Variants in ZNF407 observed in about 807,000 individuals in gnomAD.
ZNF407 encodes zinc finger protein 407.
ZNF407 carries 17 observed loss-of-function variants against 131.2 expected under a neutral mutation model. That is an observed-to-expected ratio of 0.13 (90% CI 0.09 to 0.19). The LOEUF (loss-of-function observed/expected upper bound fraction) is 0.19, where lower values mean the gene tolerates loss of function less well. Ranked by LOEUF, ZNF407 falls within the 10% of genes least tolerant of loss-of-function variation. ZNF407 has a pLI of 1.00. For missense variants in ZNF407, 2,681 were observed against 2,830.6 expected (o/e 0.95, Z 1.20); for synonymous variants, 1,156 against 1,062.0 (o/e 1.09, Z -1.72).
intron 4 of ZNF407, among the ~76,000 whole-genome samples, chr18:74,857,726 A>T (rs1330346734): frequency 5.9e-5 from 9 of 152,132 alleles, no homozygotes; most frequent in East Asian, 1.9e-4. Flanking sequence ...GCTTTTTTTT[A>T]AATTAATGAA....
At chr18:74,720,395 G>T (rs1271197381) in intron 3 of ZNF407, among the ~76,000 whole-genome samples, 4 of 151,302 alleles carry the variant, frequency 2.6e-5, no homozygotes, top group Non-Finnish European at 5.9e-5. Flanking sequence ...TCTATAAGTG[G>T]TGATTAATCC....
intron 3 of ZNF407, among the ~76,000 whole-genome samples, chr18:74,712,934 T>C (rs1261607862): frequency 6.6e-6 from 1 of 152,138 alleles, no homozygotes; most frequent in Non-Finnish European, 1.5e-5. Context: ...AAAATAGCAA[T>C]GCATGGGACT....
intron 3 of ZNF407, among the ~76,000 whole-genome samples, chr18:74,659,017 A>G (rs891948233): frequency 1.6e-4 from 25 of 152,134 alleles, no homozygotes; most frequent in African/African-American, 5.3e-4. Context: ...ATCTAGGGAC[A>G]TGTGAGTGGA....
intron 8 of ZNF407, among the ~76,000 whole-genome samples, chr18:75,047,039 A>G (rs1396588926): frequency 6.6e-6 from 1 of 152,234 alleles, no homozygotes; most frequent in Non-Finnish European, 1.5e-5. Context: ...CTATTAGAAT[A>G]TTTGGGATTC....
chr18:74,692,811 C>A (rs1303498321), intron 3 of ZNF407, among the ~76,000 whole-genome samples: 2 of 152,096 alleles, frequency 1.3e-5, no homozygotes, highest in Non-Finnish European at 2.9e-5. Flanking sequence ...GGAGTGGCCT[C>A]CACCCCTCCC....
chr18:74,758,644 G>A (rs1478484768), intron 3 of ZNF407, among the ~76,000 whole-genome samples: 3 of 152,188 alleles, frequency 2.0e-5, no homozygotes, highest in Non-Finnish European at 4.4e-5. Context: ...AGGCTGGAGT[G>A]CAGTGGCATG....
chr18:74,618,861 A>C (rs1983415491), intron 1 of ZNF407, among the ~76,000 whole-genome samples: 1 of 152,198 alleles, frequency 6.6e-6, no homozygotes, highest in African/African-American at 2.4e-5. Flanking sequence ...TATACTTAAA[A>C]CTCAGATCCT....
chr18:75,044,074 T>A (rs1044405108), intron 8 of ZNF407, among the ~76,000 whole-genome samples: 1 of 152,168 alleles, frequency 6.6e-6, no homozygotes, highest in South Asian at 2.1e-4. Flanking sequence ...TTTTAAACCC[T>A]GGGGCCACGA....
intron 8 of ZNF407, among the ~76,000 whole-genome samples, chr18:74,991,978 A>G (rs1195870267): frequency 6.6e-6 from 1 of 152,240 alleles, no homozygotes; most frequent in African/African-American, 2.4e-5. Flanking sequence ...CCAGCTTCGC[A>G]TGGCACCAGG....
intron 4 of ZNF407, among the ~76,000 whole-genome samples, chr18:74,795,394 G>A (rs180964803): frequency 4.6e-5 from 7 of 152,176 alleles, no homozygotes; most frequent in Admixed American, 3.9e-4. Context: ...TACTACATAT[G>A]AATCAATATA....
chr18:74,637,784 C>T (rs1374886601), intron 2 of ZNF407, among the ~76,000 whole-genome samples: 1 of 152,120 alleles, frequency 6.6e-6, no homozygotes, highest in East Asian at 1.9e-4. Context: ...CTTCCAATCC[C>T]TGTTTTCATA....
At position 74,634,105 on chromosome 18, in the gene ZNF407, C is replaced by T; in HGVS notation, c.3086C>T (p.Ser1029Phe). Reference protein sequence around the residue: ...CLHCEFSAHSSASLELHVKRK... With the variant: ...CLHCEFSAHSFASLELHVKRK... ...CACTGTGAGTTTAGTGCTCACTCCTCTGCTTCTCTAGAGCTGCATGTAAAA... is the reference window on the plus strand; with the variant it reads ...CACTGTGAGTTTAGTGCTCACTCCTTTGCTTCTCTAGAGCTGCATGTAAAA... The change falls in exon 2 of 9, where the codon TCT becomes TTT. Residue 1029 changes from serine to phenylalanine, a missense_variant. Physicochemically the swap from Ser to Phe is radical, Grantham distance 155 (BLOSUM62 -2). Transcript: ENST00000299687. The T allele has an allele frequency of 1.2e-6, 2 of 1,614,046 alleles. No homozygotes were observed. The highest frequency in any genetic ancestry group is 1.7e-6 in the Non-Finnish European group (2 of 1,179,900).
At chr18:74,959,615 A>G (rs1192857467) in intron 8 of ZNF407, among the ~76,000 whole-genome samples, 1 of 152,190 alleles carries the variant, frequency 6.6e-6, no homozygotes, top group Non-Finnish European at 1.5e-5. Flanking sequence ...CTCTAAACGG[A>G]ATACACTTGG....
At chr18:74,644,021 G>T (rs754234601) in intron 3 of ZNF407, among the ~76,000 whole-genome samples, 1 of 152,064 alleles carries the variant, frequency 6.6e-6, no homozygotes, top group Non-Finnish European at 1.5e-5. Flanking sequence ...TTAGGATTAA[G>T]AGTTCAGAAT....
intron 4 of ZNF407, among the ~76,000 whole-genome samples, chr18:74,875,652 C>T (rs1016818433): frequency 2.6e-5 from 4 of 151,978 alleles, no homozygotes; most frequent in African/African-American, 7.2e-5. Context: ...GATATACGGA[C>T]GTGATTTTTT....
intron 8 of ZNF407, among the ~76,000 whole-genome samples, chr18:74,979,203 A>C (rs75924699): frequency 6.6e-6 from 1 of 152,256 alleles, no homozygotes; most frequent in Admixed American, 6.5e-5. Flanking sequence ...TTGGTGCAAT[A>C]GCTTCGTGGC....
chr18:74,989,893 A>G (rs1295265684), intron 8 of ZNF407, among the ~76,000 whole-genome samples: 1 of 152,030 alleles, frequency 6.6e-6, no homozygotes, highest in African/African-American at 2.4e-5. Flanking sequence ...TGAAATTTTG[A>G]TGCTTTTCTG....
At chr18:74,801,608 A>G (rs886414099) in intron 4 of ZNF407, among the ~76,000 whole-genome samples, 1 of 152,346 alleles carries the variant, frequency 6.6e-6, no homozygotes, top group South Asian at 2.1e-4. Flanking sequence ...CCTGTAGTTC[A>G]AATGCAGTTT....
chr18:75,015,690 C>T lies in ZNF407; in HGVS notation c.5429-47460C>T, dbSNP rs539229409. ...AACAGGTAATGGAAAGGCTTTTTAC[C>T]GTGATATAACGGCACAGAATATTTC... On this transcript the variant is annotated intron_variant, in intron 8 of 8. Transcript: ENST00000299687. 6.7e-4 allele frequency among the ~76,000 whole-genome samples: 102 copies of T among 151,270 alleles called. 1 individual carries two copies. The highest frequency in any genetic ancestry group is 2.8e-3 in the Admixed American group (43 of 15,144).
Sources: gnomAD v4.1 joint callset for allele counts (sites outside exome capture counted in the v4.1 genomes callset) on GRCh38, gnomAD v4.1.1 for gene constraint, MANE v1.5 for transcripts, NCBI Gene and HGNC (gene_info 2026-07-23, HGNC 2026-07-21) for gene names.